TMEM255B: variants seen among roughly 807,000 people sequenced by gnomAD.
TMEM255B encodes transmembrane protein 255B.
Under a neutral mutation model 34.5 loss-of-function variants are expected in TMEM255B, and 35 were observed. That is an observed-to-expected ratio of 1.01 (90% CI 0.77 to 1.34). The LOEUF is 1.34. TMEM255B is among the 40% of genes most tolerant of loss of function. The pLI is 0.00. For missense variants in TMEM255B, 432 were observed against 433.2 expected, an observed-to-expected ratio of 1.00 and a Z score of 0.02; for synonymous variants, 206 against 201.2, an observed-to-expected ratio of 1.02 and a Z score of -0.20.
At chr13:113,764,019 C>T (rs1594613926) in intron 1 of TMEM255B, among the ~76,000 whole-genome samples, 3 of 152,170 alleles carry the variant, frequency 2.0e-5, no homozygotes, top group Middle Eastern at 3.4e-3. Context: ...GGGCAGGTGT[C>T]GGGTGCCTGG....
In TMEM255B at chr13:113,812,914, G is replaced by T. The variant is rs1428905338; in HGVS notation, c.*1011G>T. Reference sequence around the variant, plus strand: ...AGGCCCCGGGTGAGTCACAGGCCCCGGGTGAGTCACGGGTCCCGGGTGGGT... The same window carrying T: ...AGGCCCCGGGTGAGTCACAGGCCCCTGGTGAGTCACGGGTCCCGGGTGGGT... On this transcript the variant is annotated 3_prime_UTR_variant, in exon 9 of 9. Coordinates refer to ENST00000375353, the MANE Select transcript of TMEM255B (RefSeq NM_182614.4). 7.8e-6 allele frequency: 1 copy of T among 127,518 alleles called. No individual in the cohort carries two copies. 7.9% of individuals were successfully genotyped at this position (127,518 alleles called of 1,614,324 possible).
At chr13:113,799,785 A>G (rs573886923) in intron 5 of TMEM255B, 1 of 661,970 alleles carries the variant, frequency 1.5e-6, no homozygotes, top group South Asian at 1.5e-5. Context: ...TGAGCCACCG[A>G]CAGCGGCAGT....
rs1252799275 is a variant in TMEM255B, at chr13:113,801,679, A to C, written c.536A>C (p.Glu179Ala). The change falls in exon 7 of 9, where the codon GAG becomes GCG. Residue 179 changes from glutamate to alanine, a missense_variant. Coordinates refer to ENST00000375353, the MANE Select transcript of TMEM255B (RefSeq NM_182614.4). ...GCAGAGCCCTCGCCCGCCTACTATG[A>C]GTTCATCGGCGTCAGCGGCTGCCAG... ...GSAEPSPAYYEFIGVSGCQDV... is the reference protein window; with the variant it reads ...GSAEPSPAYYAFIGVSGCQDV... The C allele has an allele frequency of 1.2e-6, 2 of 1,612,292 alleles. No homozygotes were observed. Among genetic ancestry groups the C allele is most frequent in the Non-Finnish European group, 1.7e-6 (2 of 1,179,156 alleles).
Position 113,813,013 on chromosome 13 carries a change from A to ACAGGATAGGTCT in TMEM255B, c.*1111_*1112insAGGATAGGTCTC, listed in dbSNP as rs2051357433. 8.4e-6 allele frequency: 1 copy of ACAGGATAGGTCT among 118,878 alleles called. No individual in the cohort carries two copies. The highest frequency in any genetic ancestry group is 8.5e-5 in the Admixed American group (1 of 11,728). The allele number at this position is 118,878 out of a possible 1,614,324, so 7.4% of individuals were successfully genotyped here. A position where few individuals can be genotyped will look rare whatever the true frequency, so the allele number is the denominator to read the frequency against. ...GTGGGTCACGGGTCCCGAGTGGGTC[A>ACAGGATAGGTCT]CGGGTCCCGGGTGGGTCACAGGCGC... On this transcript the variant is annotated 3_prime_UTR_variant, in exon 9 of 9. Coordinates refer to ENST00000375353, the MANE Select transcript of TMEM255B (RefSeq NM_182614.4).
chr13:113,806,725 C>T lies in TMEM255B; in HGVS notation c.813+1697C>T, dbSNP rs550173496. On this transcript the variant is annotated intron_variant, in intron 8 of 8. Transcript: ENST00000375353. The surrounding 1 kb of genome is among the most constrained non-coding windows in gnomAD (Gnocchi z 4.2). ...GGGACGTCCCCATCATGGCAGGGAC[C>T]GTGCCCCCAGGGCCACAGCCCTGTC... is the stretch of plus-strand genomic sequence containing the variant. 1.3e-5 allele frequency among the ~76,000 whole-genome samples: 2 copies of T among 152,136 alleles called. No individual in the cohort carries two copies. The highest frequency in any genetic ancestry group is 1.9e-4 in the East Asian group (1 of 5,170).
chr13:113,787,081 A>G (rs1331188076), intron 3 of TMEM255B, among the ~76,000 whole-genome samples: 1 of 152,222 alleles, frequency 6.6e-6, no homozygotes, highest in African/African-American at 2.4e-5. Context: ...TAATGAACAG[A>G]ACATGTGAAA....
In TMEM255B at chr13:113,801,682, T is replaced by A; in HGVS notation, c.539T>A (p.Phe180Tyr). Residue 180 changes from phenylalanine to tyrosine, a missense_variant, in exon 7 of 9, where the codon TTC becomes TAC. Physicochemically the swap from Phe to Tyr is conservative, Grantham distance 22. Coordinates refer to ENST00000375353, the MANE Select transcript of TMEM255B (RefSeq NM_182614.4). ...SAEPSPAYYEFIGVSGCQDVL... is the reference protein window; with the variant it reads ...SAEPSPAYYEYIGVSGCQDVL... ...GAGCCCTCGCCCGCCTACTATGAGT[T>A]CATCGGCGTCAGCGGCTGCCAGGAC... The A allele has an allele frequency of 6.2e-7, 1 of 1,612,394 alleles. No homozygotes were observed. Among genetic ancestry groups the A allele is most frequent in the South Asian group, 1.1e-5 (1 of 90,932 alleles).
intron 3 of TMEM255B, among the ~76,000 whole-genome samples, chr13:113,778,612 G>A (rs1198907730): frequency 2.7e-5 from 4 of 150,408 alleles, no homozygotes; most frequent in African/African-American, 4.9e-5. Context: ...GGTGAGTCTC[G>A]ATTTCACCTG....
intron 8 of TMEM255B, 104 bp downstream of exon 8, chr13:113,805,132 A>G: frequency 7.7e-7 from 1 of 1,303,506 alleles, no homozygotes; most frequent in Non-Finnish European, 1.0e-6. Context: ...CAGCCGCCTC[A>G]CCTTCTGGAT....
intron 1 of TMEM255B, among the ~76,000 whole-genome samples, chr13:113,764,572 G>GT (rs1210242347): frequency 2.0e-5 from 3 of 152,232 alleles, no homozygotes; most frequent in Admixed American, 6.5e-5. Context: ...CTGCCTGTGG[G>GT]TGACACATCC....
intron 3 of TMEM255B, among the ~76,000 whole-genome samples, chr13:113,784,040 T>C (rs1219902543): frequency 6.6e-6 from 1 of 152,156 alleles, no homozygotes; most frequent in African/African-American, 2.4e-5. Context: ...TTTTGGGCCA[T>C]TGGCTGTCGT....
At chr13:113,762,770 G>A (rs550886222) in intron 1 of TMEM255B, among the ~76,000 whole-genome samples, 95 of 152,288 alleles carry the variant, frequency 6.2e-4, no homozygotes, top group Non-Finnish European at 7.6e-4. Context: ...ACAGACGGAC[G>A]CCCACAGGAG....
chr13:113,781,842 T>C (rs2050670181), intron 3 of TMEM255B, among the ~76,000 whole-genome samples: 2 of 152,372 alleles, frequency 1.3e-5, no homozygotes, highest in Admixed American at 1.3e-4. Context: ...TGACTTGTCC[T>C]AAACATCCCT....
At chr13:113,781,102 TA>T (rs1765017498) in intron 3 of TMEM255B, among the ~76,000 whole-genome samples, 1 of 152,240 alleles carries the variant, frequency 6.6e-6, no homozygotes, top group South Asian at 2.1e-4. Flanking sequence ...ACCCAATTCT[TA>T]ATAAAACTTT....
At chr13:113,810,010 C>A (rs1053764797) in intron 8 of TMEM255B, among the ~76,000 whole-genome samples, 1 of 152,150 alleles carries the variant, frequency 6.6e-6, no homozygotes, top group Non-Finnish European at 1.5e-5. Context: ...CATTGCAGTC[C>A]CTCTGAGGAA....
Position 113,800,900 on chromosome 13 carries a change from A to G in TMEM255B, c.497A>G (p.Tyr166Cys). The part of the protein sequence containing the change: ...RSNTCYCCDL[Y>C]ACGSAEPSPA... Reference sequence around the variant, plus strand: ...AACACCTGTTACTGCTGTGACCTCTATGCCTGCGGGAGGTGAGGGGCACCG... The same window carrying G: ...AACACCTGTTACTGCTGTGACCTCTGTGCCTGCGGGAGGTGAGGGGCACCG... Residue 166 changes from tyrosine to cysteine, a missense_variant, in exon 6 of 9, where the codon TAT (tyrosine) becomes TGT (cysteine). Physicochemically the swap from Tyr to Cys is radical, Grantham distance 194 (BLOSUM62 -2). Transcript: ENST00000375353. 1 of 1,607,548 alleles carries G rather than the reference A, an allele frequency of 6.2e-7. No individual in the cohort carries two copies. The highest frequency in any genetic ancestry group is 8.5e-7 in the Non-Finnish European group (1 of 1,177,212).
In TMEM255B at chr13:113,788,988, A is replaced by T. The variant is rs535411876; in HGVS notation, c.253-6160A>T. ...ACATGCCATGCTGTGGGGCCTTTGC[A>T]GGTGCTGCTGGGTGGCCTGGGCAGG... is the stretch of plus-strand genomic sequence containing the variant. On this transcript the variant is annotated intron_variant, in intron 3 of 8. Transcript: ENST00000375353. Among the ~76,000 whole-genome samples, 171 of 151,654 alleles carry T rather than the reference A, an allele frequency of 1.1e-3. 1 individual carries two copies. The highest frequency in any genetic ancestry group is 3.8e-3 in the African/African-American group (156 of 41,302).
intron 4 of TMEM255B, 29 bp downstream of exon 4, chr13:113,795,266 C>T (rs372747284): frequency 1.5e-5 from 24 of 1,597,656 alleles, no homozygotes; most frequent in Middle Eastern, 1.7e-4. Context: ...TGTGCACAGT[C>T]GCTTTCCGGG....
At position 113,811,951 on chromosome 13, in the gene TMEM255B, AAAG is replaced by A; in HGVS notation, c.*49_*51del. On this transcript the variant is annotated 3_prime_UTR_variant, in exon 9 of 9. Transcript: ENST00000375353. ...ACTTGTTTGTTTTTTTTTTTAAAAA[AAAG>A]GCAGCCTCTAGAAATCCCGCTTCTG... 1.3e-6 allele frequency: 2 copies of A among 1,533,412 alleles called. No individual in the cohort carries two copies. The highest frequency in any genetic ancestry group is 1.7e-6 in the Non-Finnish European group (2 of 1,144,188). The allele number at this position is 1,533,412 out of a possible 1,614,324, so 95.0% of individuals were successfully genotyped here.
Sources: allele counts gnomAD v4.1 joint callset (sites outside exome capture counted in the v4.1 genomes callset), GRCh38; gene constraint gnomAD v4.1.1; non-coding constraint Gnocchi (gnomAD v3.1); transcripts MANE v1.5; gene names NCBI Gene and HGNC (gene_info 2026-07-23, HGNC 2026-07-21).